The following SLC19A1 variants were observed in gnomAD, a reference collection of about 807,000 sequenced individuals.
The protein encoded by SLC19A1 is solute carrier family 19 member 1, also known as reduced folate transporter.
A neutral mutation model predicts 35.3 loss-of-function variants in SLC19A1; 37 were observed. The ratio of observed to expected loss-of-function variants is 1.05; its 90% CI spans 0.81 to 1.38. SLC19A1 has a LOEUF of 1.38. Ranked by LOEUF, SLC19A1 falls within the 40% of genes most tolerant of loss-of-function variation. The pLI is 0.00. For synonymous variants in SLC19A1, 460 were observed against 398.5 expected (o/e 1.15, Z -1.84); for missense variants, 831 against 826.9 (o/e 1.00, Z -0.06).
At position 45,515,946 on chromosome 21, in the gene SLC19A1, T is replaced by C; in HGVS notation, c.1488A>G (p.Pro496=). 6.5e-7 allele frequency: 1 copy of C among 1,538,706 alleles called. No individual in the cohort carries two copies. The highest frequency in any genetic ancestry group is 1.2e-5 in the South Asian group (1 of 82,158). The change falls in exon 6 of 6, where the codon CCA becomes CCG. Residue 496 remains proline, a synonymous_variant. Coordinates refer to ENST00000311124, the MANE Select transcript of SLC19A1 (RefSeq NM_194255.4). The part of the protein sequence containing the change: ...VQDKGLGGLQ[P]AQSPPLSPED... ...CTGGGGAAAGCGGCGGGCTCTGGGC[T>C]GGCTGCAGGCCTCCGAGGCCCTTGT...
Position 45,533,888 on chromosome 21 carries a change from T to C in SLC19A1, c.190-1740A>G, listed in dbSNP as rs1445769948. 6.6e-6 allele frequency among the ~76,000 whole-genome samples: 1 copy of C among 152,074 alleles called. No individual in the cohort carries two copies. The highest frequency in any genetic ancestry group is 1.5e-5 in the Non-Finnish European group (1 of 67,982). On this transcript the variant is annotated intron_variant, in intron 2 of 5. Transcript: ENST00000311124. The surrounding 1 kb of genome is among the most constrained non-coding windows in gnomAD (Gnocchi z 4.5). ...CCGGCCACCGGCTACTGTGAACAGC[T>C]GGGCAATAGGACCCTGCAGCCAGGC...
intron 2 of SLC19A1, among the ~76,000 whole-genome samples, chr21:45,535,473 G>A (rs777168947): frequency 1.3e-5 from 2 of 152,218 alleles, no homozygotes; most frequent in Non-Finnish European, 2.9e-5. Context: ...GGAAACACTG[G>A]CCCACGGCGG....
chr21:45,561,939 T>C (rs1224638570), intron 1 of SLC19A1, among the ~76,000 whole-genome samples: 2 of 151,770 alleles, frequency 1.3e-5, no homozygotes, highest in African/African-American at 4.8e-5. Context: ...AAGACAATCC[T>C]GGCCAACATG....
At chr21:45,552,802 G>A (rs2078479877) in intron 1 of SLC19A1, among the ~76,000 whole-genome samples, 1 of 152,082 alleles carries the variant, frequency 6.6e-6, no homozygotes, top group African/African-American at 2.4e-5. Flanking sequence ...GAGTCTCTGG[G>A]CTGGTCCGCC....
In SLC19A1 at chr21:45,533,439, A is replaced by G. The variant is rs1039286540; in HGVS notation, c.190-1291T>C. 1.3e-5 allele frequency among the ~76,000 whole-genome samples: 2 copies of G among 152,180 alleles called. No homozygotes were observed. The highest frequency in any genetic ancestry group is 4.8e-5 in the African/African-American group (2 of 41,452). Reference sequence around the variant, plus strand: ...CTGGGCACACCTGGGCACAGTCCAGAGGAAGAGGCCCCACCCCTGTGAGGC... The same window carrying G: ...CTGGGCACACCTGGGCACAGTCCAGGGGAAGAGGCCCCACCCCTGTGAGGC... On this transcript the variant is annotated intron_variant, in intron 2 of 5. Transcript: ENST00000311124. This position sits in a 1 kb window ranked among gnomAD's most constrained non-coding sequence, Gnocchi z 4.5.
chr21:45,537,914 G>T lies in SLC19A1; in HGVS notation c.46C>A (p.Pro16Thr). The T allele has an allele frequency of 6.3e-7, 1 of 1,593,184 alleles. No individual in the cohort carries two copies. The highest frequency in any genetic ancestry group is 8.5e-7 in the Non-Finnish European group (1 of 1,173,620). ...GACCGGAGCTCGGGGTCAGGCCCAG[G>T]TTCCACGGGCACCTGCTTCTCCACC... Reference protein sequence around the residue: ...PAVEKQVPVEPGPDPELRSWR... With the variant: ...PAVEKQVPVETGPDPELRSWR... Residue 16 changes from proline to threonine, a missense_variant, in exon 2 of 6, where the codon CCT becomes ACT. Transcript: ENST00000311124.
At chr21:45,526,850 G>A (rs749005509) in intron 4 of SLC19A1, among the ~76,000 whole-genome samples, 2 of 152,256 alleles carry the variant, frequency 1.3e-5, no homozygotes, top group Non-Finnish European at 2.9e-5. Context: ...GGGATCACAG[G>A]TGTGAGCCAC....
chr21:45,532,676 C>G (rs1437043999), intron 2 of SLC19A1, among the ~76,000 whole-genome samples: 1 of 152,218 alleles, frequency 6.6e-6, no homozygotes, highest in South Asian at 2.1e-4. Flanking sequence ...CTCAGGTGAT[C>G]TGCCCACCTT....
At chr21:45,518,687 G>A (rs62214278) in intron 5 of SLC19A1, among the ~76,000 whole-genome samples, 2 of 152,120 alleles carry the variant, frequency 1.3e-5, no homozygotes, top group South Asian at 2.1e-4. Context: ...TGAAAGCTAT[G>A]AGGAAGGGGC....
chr21:45,547,210 A>C (rs1164036422), upstream of SLC19A1, among the ~76,000 whole-genome samples: 2 of 152,246 alleles, frequency 1.3e-5, no homozygotes, highest in Non-Finnish European at 2.9e-5. Context: ...GCTGCAGAAC[A>C]TTACTGAGAG....
Position 45,530,622 on chromosome 21 carries a change from TG to T in SLC19A1, c.1151+147del. On this transcript the variant is annotated intron_variant, in intron 4 of 5. Transcript: ENST00000311124. This position sits in a 1 kb window ranked among gnomAD's most constrained non-coding sequence, Gnocchi z 5.3. Reference sequence around the variant, plus strand: ...GCCCGAGGTCCCAGGGAGAGGCAAGTGGGGACCCTGGTCAGCTCCAGGTGGC... The same window carrying T: ...GCCCGAGGTCCCAGGGAGAGGCAAGTGGGACCCTGGTCAGCTCCAGGTGGC... 2 of 764,490 alleles carry T rather than the reference TG, an allele frequency of 2.6e-6. No individual in the cohort carries two copies. The highest frequency in any genetic ancestry group is 2.0e-6 in the Non-Finnish European group (1 of 488,148). 47.4% of individuals were successfully genotyped at this position (764,490 alleles called of 1,614,324 possible). A position where few individuals can be genotyped will look rare whatever the true frequency, so the allele number is the denominator to read the frequency against.
At chr21:45,503,717 C>T (rs1018111039) in intron 3 of SLC19A1, among the ~76,000 whole-genome samples, 1 of 151,468 alleles carries the variant, frequency 6.6e-6, no homozygotes, top group African/African-American at 2.4e-5. Context: ...AGCACACCAG[C>T]ATGGCACATG....
intron 5 of SLC19A1, among the ~76,000 whole-genome samples, chr21:45,519,294 A>C (rs2077367634): frequency 6.6e-6 from 1 of 152,198 alleles, no homozygotes; most frequent in South Asian, 2.1e-4. Flanking sequence ...ACAGAGAATA[A>C]ATGAAAAATT....
intron 1 of SLC19A1, among the ~76,000 whole-genome samples, chr21:45,549,691 A>G (rs1421968621): frequency 4.7e-5 from 3 of 64,036 alleles, no homozygotes; most frequent in East Asian, 1.3e-3. Flanking sequence ...GGGGAGGGGC[A>G]GGGGGAGAGG....
chr21:45,515,832 A>G lies in SLC19A1; in HGVS notation c.1602T>C (p.Ala534=), dbSNP rs1353653992. ...YLAQAPAPQA[A]EFLSPVTTPS... Reference sequence around the variant, plus strand: ...GGGTTGTCACTGGGCTCAGGAATTCAGCTGCCTGCGGGGCCGGGGCCTGGG... The same window carrying G: ...GGGTTGTCACTGGGCTCAGGAATTCGGCTGCCTGCGGGGCCGGGGCCTGGG... The change falls in exon 6 of 6, where the codon GCT becomes GCC. Residue 534 remains alanine, a synonymous_variant. Transcript: ENST00000311124. The G allele has an allele frequency of 6.2e-7, 1 of 1,606,316 alleles. No individual in the cohort carries two copies. Among genetic ancestry groups the G allele is most frequent in the Non-Finnish European group, 8.5e-7 (1 of 1,175,140 alleles).
At chr21:45,537,674 GCCGCC>G in intron 2 of SLC19A1, 92 bp downstream of exon 2, 1 of 1,163,022 alleles carries the variant, frequency 8.6e-7, no homozygotes, top group South Asian at 1.8e-5. Context: ...CCCACTGGCG[GCCGCC>G]CCCGCATCCC....
Position 45,515,619 on chromosome 21 carries a change from G to T in SLC19A1, c.*39C>A. ...GAGGCAGGGGTCGTGGGGATGCACT[G>T]AGGGCCGCCTGCAAAGTTACCACAG... On this transcript the variant is annotated 3_prime_UTR_variant, in exon 6 of 6. Transcript: ENST00000311124. The T allele has an allele frequency of 6.2e-7, 1 of 1,611,250 alleles. No individual in the cohort carries two copies. The highest frequency in any genetic ancestry group is 1.1e-5 in the South Asian group (1 of 90,814).
Position 45,512,674 on chromosome 21 carries a change from C to T in SLC19A1, c.*2984G>A. ...GTCAGGCAGGGTGCAGTATCATGCC[C>T]TGTGCAACCTCTTGGCCTGATCAGA... On this transcript the variant is annotated 3_prime_UTR_variant, in exon 6 of 6. Transcript: ENST00000311124. 1.9e-6 allele frequency: 1 copy of T among 526,838 alleles called. No individual in the cohort carries two copies. Among genetic ancestry groups the T allele is most frequent in the Non-Finnish European group, 3.4e-6 (1 of 290,230 alleles). The allele number at this position is 526,838 out of a possible 1,614,324, so 32.6% of individuals were successfully genotyped here. A position where few individuals can be genotyped will look rare whatever the true frequency, so the allele number is the denominator to read the frequency against.
At position 45,515,499 on chromosome 21, in the gene SLC19A1, G is replaced by A. The variant is rs569513458; in HGVS notation, c.*159C>T. 10 of 1,507,736 alleles carry A rather than the reference G, an allele frequency of 6.6e-6. No individual in the cohort carries two copies. In the African/African-American group the frequency reaches 1.1e-4, roughly 17 times the overall value. The allele number at this position is 1,507,736 out of a possible 1,614,324, so 93.4% of individuals were successfully genotyped here. ...GCCCTGAGTGTCGCCAGCACGCTGT[G>A]GCCACCGCCAGAGTGCGGCACAGGG... On this transcript the variant is annotated 3_prime_UTR_variant, in exon 6 of 6. Transcript: ENST00000311124.
Sources: gnomAD v4.1 joint callset for allele counts (sites outside exome capture counted in the v4.1 genomes callset) on GRCh38, gnomAD v4.1.1 for gene constraint, Gnocchi (gnomAD v3.1) non-coding constraint, MANE v1.5 for transcripts, NCBI Gene and HGNC (gene_info 2026-07-23, HGNC 2026-07-21) for gene names.